F7: variants seen among roughly 807,000 people sequenced by gnomAD.
F7 encodes FVII coagulation protein.
F7 carries 38 observed loss-of-function variants against 47.5 expected under a neutral mutation model. That is an observed-to-expected ratio of 0.80 (90% CI 0.62 to 1.05). The LOEUF (loss-of-function observed/expected upper bound fraction) is 1.05. Among genes scored for constraint, F7 ranks in the 50% least tolerant of loss-of-function variants. The pLI, the probability that F7 is intolerant of heterozygous loss-of-function variation, is 0.00. For synonymous variants in F7, 244 were observed against 258.5 expected, an observed-to-expected ratio of 0.94 and a Z score of 0.54; for missense variants, 575 against 605.4, an observed-to-expected ratio of 0.95 and a Z score of 0.53.
rs2036281007 is a variant in F7, at chr13:113,120,271, CAA to C, written c.*1264_*1265del. 6.6e-6 allele frequency: 1 copy of C among 152,266 alleles called. No individual in the cohort carries two copies. The highest frequency in any genetic ancestry group is 2.4e-5 in the African/African-American group (1 of 41,452). 9.4% of individuals were successfully genotyped at this position (152,266 alleles called of 1,614,324 possible). ...CACAGAGACCCTGGGAGCACCTGCT[CAA>C]GAGTCAGGGACACACGCATCACTAA... On this transcript the variant is annotated 3_prime_UTR_variant, in exon 8 of 8. Coordinates refer to ENST00000346342, the MANE Select transcript of F7 (RefSeq NM_019616.4).
chr13:113,115,586 G>C (rs1674692875), intron 4 of F7, 74 bp from the exon 5 acceptor site: 2 of 1,548,112 alleles, frequency 1.3e-6, no homozygotes, highest in Non-Finnish European at 1.8e-6. Flanking sequence ...CTGACCCAGG[G>C]CATGGCCACC....
chr13:113,109,879 G>T (rs1343074613), intron 1 of F7, among the ~76,000 whole-genome samples: 2 of 152,236 alleles, frequency 1.3e-5, no homozygotes, highest in East Asian at 1.9e-4. Flanking sequence ...CTGAAGAGCG[G>T]CCTGCTCGGA....
chr13:113,114,092 T>G (rs1485548857), intron 4 of F7, 132 bp downstream of exon 4: 2 of 916,510 alleles, frequency 2.2e-6, no homozygotes, highest in African/African-American at 3.3e-5. Context: ...TCAGCCCCAG[T>G]TGGAAATTGG....
At position 113,116,792 on chromosome 13, in the gene F7, A is replaced by G. The variant is rs766104730; in HGVS notation, c.532A>G (p.Ile178Val). Residue 178 changes from isoleucine to valine, a missense_variant, in exon 6 of 8, where the codon ATT becomes GTT. Physicochemically the swap from Ile to Val is conservative, Grantham distance 29. Coordinates refer to ENST00000346342, the MANE Select transcript of F7 (RefSeq NM_019616.4). ...TVEYPCGKIP[I>V]LEKRNASKPQ... ...TGAATATCCATGTGGAAAAATACCTATTCTAGAAAAAAGAAATGCCAGCAA... is the reference window on the plus strand; with the variant it reads ...TGAATATCCATGTGGAAAAATACCTGTTCTAGAAAAAAGAAATGCCAGCAA... 2 of 1,613,796 alleles carry G rather than the reference A, an allele frequency of 1.2e-6. No individual in the cohort carries two copies. The highest frequency in any genetic ancestry group is 2.2e-5 in the South Asian group (2 of 91,084).
In F7 at chr13:113,118,829, CAT is replaced by C; in HGVS notation, c.1157_1158del (p.His386ArgfsTer117). The C allele has an allele frequency of 6.2e-7, 1 of 1,612,814 alleles. No individual in the cohort carries two copies. Among genetic ancestry groups the C allele is most frequent in the Non-Finnish European group, 8.5e-7 (1 of 1,179,966 alleles). ...CTGCAAGGGGGACAGTGGAGGCCCACATGCCACCCACTACCGGGGCACGTGGT... is the reference window on the plus strand; with the variant it reads ...CTGCAAGGGGGACAGTGGAGGCCCACGCCACCCACTACCGGGGCACGTGGT... Reference protein sequence around the residue: ...DSCKGDSGGPHATHYRGTWYL... With the variant: ...DSCKGDSGGPXATHYRGTWYL... On this transcript the variant is annotated frameshift_variant, in exon 8 of 8. Transcript: ENST00000346342. LOFTEE classifies it high-confidence loss of function.
At chr13:113,112,563 G>C (rs2036122466) in intron 2 of F7, among the ~76,000 whole-genome samples, 1 of 139,054 alleles carries the variant, frequency 7.2e-6, no homozygotes, top group African/African-American at 2.7e-5. Flanking sequence ...ACACTCACAG[G>C]ACACCTCACA....
intron 5 of F7, 128 bp downstream of exon 5, chr13:113,115,928 T>C (rs1157083466): frequency 2.4e-5 from 32 of 1,359,792 alleles, no homozygotes; most frequent in Middle Eastern, 1.8e-4. Context: ...ACTGACCAAT[T>C]GTGAGGTGGG....
chr13:113,116,896 A>C, intron 6 of F7, 21 bp downstream of exon 6: 1 of 1,574,452 alleles, frequency 6.4e-7, no homozygotes, highest in Middle Eastern at 1.7e-4. Flanking sequence ...CCCTGGCTTC[A>C]GGATTCCAAG....
At chr13:113,115,596 C>G (rs2036178718) in intron 4 of F7, 64 bp from the exon 5 acceptor site, 1 of 1,575,808 alleles carries the variant, frequency 6.3e-7, no homozygotes, top group Non-Finnish European at 8.6e-7. Context: ...GCATGGCCAC[C>G]CCGGGGGCTG....
At chr13:113,109,238 G>T (rs1432368374) in intron 1 of F7, among the ~76,000 whole-genome samples, 1 of 151,240 alleles carries the variant, frequency 6.6e-6, no homozygotes, top group Non-Finnish European at 1.5e-5. Context: ...GGGGGTGTGG[G>T]TGTCCCGGGG....
At chr13:113,106,982 G>A (rs191183046) in intron 1 of F7, 9 of 1,518,288 alleles carry the variant, frequency 5.9e-6, no homozygotes, top group East Asian at 4.9e-5. Flanking sequence ...CCCCTCCCAT[G>A]GCAAAGAGCC....
intron 1 of F7, among the ~76,000 whole-genome samples, chr13:113,109,189 G>A (rs557272655): frequency 6.9e-6 from 1 of 145,332 alleles, no homozygotes; most frequent in African/African-American, 2.6e-5. Context: ...AAGTGTGAGT[G>A]TCCCAGGGGC....
intron 2 of F7, among the ~76,000 whole-genome samples, chr13:113,111,547 TCA>T (rs1437717235): frequency 3.8e-5 from 1 of 26,468 alleles, no homozygotes; most frequent in African/African-American, 1.6e-4. Context: ...CACCTCACAC[TCA>T]CAGGGCACAC....
At chr13:113,110,430 G>T in intron 1 of F7, 1 of 445,524 alleles carries the variant, frequency 2.2e-6, no homozygotes, top group Non-Finnish European at 4.0e-6. Context: ...CTTCGGCCCG[G>T]CTTCCGCGCG....
Position 113,106,189 on chromosome 13 carries a change from G to A in F7, c.64+284G>A, listed in dbSNP as rs79291591. Among the ~76,000 whole-genome samples, 623 of 146,036 alleles carry A rather than the reference G, an allele frequency of 4.3e-3. 6 individuals are homozygous for A. The highest frequency in any genetic ancestry group is 0.015 in the African/African-American group (586 of 38,818). On this transcript the variant is annotated intron_variant, in intron 1 of 7. Coordinates refer to ENST00000346342, the MANE Select transcript of F7 (RefSeq NM_019616.4). ...CCCATGGGCCCCTGCCTGTGAGGTC[G>A]GACAAGCGCAGGGAGTCTGGGGCCT...
At chr13:113,107,987 A>G (rs1428755344) in intron 1 of F7, among the ~76,000 whole-genome samples, 11 of 6,702 alleles carry the variant, frequency 1.6e-3, no homozygotes, top group East Asian at 0.01. Context: ...GGTGTTCCGG[A>G]GGTGAGGGTG....
chr13:113,106,879 G>A (rs1421774369), intron 1 of F7: 1 of 1,607,016 alleles, frequency 6.2e-7, no homozygotes, highest in South Asian at 1.1e-5. Flanking sequence ...GAGAAACACG[G>A]GACATGCCGT....
In F7 at chr13:113,113,840, T is replaced by G. The variant is rs1479926485; in HGVS notation, c.251-7T>G. 6.2e-7 allele frequency: 1 copy of G among 1,614,052 alleles called. No homozygotes were observed. Among genetic ancestry groups the G allele is most frequent in the South Asian group, 1.1e-5 (1 of 91,090 alleles). ...TCTCAGCTTACTGACACCAGCCCAC[T>G]CCACAGATGGGGACCAGTGTGCCTC... On this transcript the variant is annotated splice_polypyrimidine_tract_variant and splice_region_variant and intron_variant, in intron 3 of 7. Coordinates refer to ENST00000346342, the MANE Select transcript of F7 (RefSeq NM_019616.4). This position sits in a 1 kb window ranked among gnomAD's most constrained non-coding sequence, Gnocchi z 4.1.
At chr13:113,115,166 C>T (rs1355078870) in intron 4 of F7, among the ~76,000 whole-genome samples, 1 of 152,198 alleles carries the variant, frequency 6.6e-6, no homozygotes, top group African/African-American at 2.4e-5. Context: ...GCCGGTTCTG[C>T]TTCTTCTGTC....
Sources: gnomAD v4.1 joint callset for allele counts (sites outside exome capture counted in the v4.1 genomes callset) on GRCh38, gnomAD v4.1.1 for gene constraint, Gnocchi (gnomAD v3.1) non-coding constraint, MANE v1.5 for transcripts, NCBI Gene and HGNC (gene_info 2026-07-23, HGNC 2026-07-21) for gene names.